Variants in THAP4 observed in about 807,000 individuals in gnomAD.
THAP4 encodes peroxynitrite isomerase THAP4.
In THAP4, 18 loss-of-function variants were observed where a neutral mutation model predicts 48.1. The ratio of observed to expected loss-of-function variants is 0.37; its 90% CI spans 0.26 to 0.56. THAP4 has a LOEUF of 0.56. THAP4 is among the 20% of genes least tolerant of loss of function. THAP4 has a pLI of 0.78. For synonymous variants in THAP4, 345 were observed against 324.9 expected (o/e 1.06, Z -0.66); for missense variants, 656 against 774.9 (o/e 0.85, Z 1.82).
chr2:241,604,292 C>T (rs529516401), intron 3 of THAP4, among the ~76,000 whole-genome samples: 27 of 151,588 alleles, frequency 1.8e-4, no homozygotes, highest in Admixed American at 3.9e-4. Flanking sequence ...CTCTTGTTGC[C>T]CAGGCTGGAG....
chr2:241,620,804 T>C (rs1559231191), intron 2 of THAP4, among the ~76,000 whole-genome samples: 1 of 152,090 alleles, frequency 6.6e-6, no homozygotes, highest in Non-Finnish European at 1.5e-5. Context: ...ATGGCTACAA[T>C]GTCACTAGGT....
chr2:241,608,513 G>A (rs1331232786), intron 2 of THAP4, among the ~76,000 whole-genome samples: 2 of 152,220 alleles, frequency 1.3e-5, no homozygotes, highest in East Asian at 3.8e-4. Context: ...GACAATAAGA[G>A]AATTTTTAAA....
At position 241,637,040 on chromosome 2, in the gene THAP4, C is replaced by A; in HGVS notation, c.-23G>T. The A allele has an allele frequency of 8.1e-7, 1 of 1,233,402 alleles. No homozygotes were observed. The highest frequency in any genetic ancestry group is 5.8e-5 in the East Asian group (1 of 17,262). The allele number at this position is 1,233,402 out of a possible 1,614,324, so 76.4% of individuals were successfully genotyped here. A position where few individuals can be genotyped will look rare whatever the true frequency, so the allele number is the denominator to read the frequency against. On this transcript the variant is annotated 5_prime_UTR_variant, in exon 1 of 6. Coordinates refer to ENST00000407315, the MANE Select transcript of THAP4 (RefSeq NM_015963.6). ...CATCGCGGGCCTTGGCCCAGCCGCGCAGCCAGGCCCCGGCCCTAGCCGCCC... is the reference window on the plus strand; with the variant it reads ...CATCGCGGGCCTTGGCCCAGCCGCGAAGCCAGGCCCCGGCCCTAGCCGCCC...
intron 3 of THAP4, among the ~76,000 whole-genome samples, chr2:241,604,035 A>G (rs2067150038): frequency 6.6e-6 from 1 of 151,586 alleles, no homozygotes; most frequent in Non-Finnish European, 1.5e-5. Flanking sequence ...CTCATTTATC[A>G]TTTCACCAAC....
At chr2:241,611,120 T>G (rs34692098) in intron 2 of THAP4, among the ~76,000 whole-genome samples, 22,311 of 152,044 alleles carry the variant, frequency 0.15, 1,892 homozygotes, top group South Asian at 0.38. Flanking sequence ...TGAGAAGTGG[T>G]GGGTCAGTGC....
At chr2:241,604,826 G>A (rs1422700240) in intron 3 of THAP4, among the ~76,000 whole-genome samples, 1 of 152,188 alleles carries the variant, frequency 6.6e-6, no homozygotes, top group African/African-American at 2.4e-5. Flanking sequence ...CCAAAGTGCT[G>A]GGATTACAGG....
At chr2:241,586,337 T>G (rs2066896631) in intron 5 of THAP4, among the ~76,000 whole-genome samples, 2 of 148,346 alleles carry the variant, frequency 1.3e-5, no homozygotes, top group Non-Finnish European at 3.0e-5. Context: ...GGAGTAAGAG[T>G]TAACCAGAAA....
chr2:241,591,406 A>G (rs191313291), intron 5 of THAP4, among the ~76,000 whole-genome samples: 7 of 152,330 alleles, frequency 4.6e-5, no homozygotes, highest in Non-Finnish European at 1.0e-4. Context: ...TGCTTGTCCA[A>G]ATGTATCAAA....
chr2:241,605,976 G>T (rs2067178378), intron 3 of THAP4, among the ~76,000 whole-genome samples: 1 of 152,142 alleles, frequency 6.6e-6, no homozygotes, highest in Admixed American at 6.5e-5. Flanking sequence ...AGCCTCTAAA[G>T]TGCTGGGATT....
At chr2:241,630,629 A>G (rs555736115) in intron 2 of THAP4, among the ~76,000 whole-genome samples, 1 of 152,206 alleles carries the variant, frequency 6.6e-6, no homozygotes, top group South Asian at 2.1e-4. Flanking sequence ...AAAATACAAA[A>G]TTAGCTGGGT....
chr2:241,629,964 G>C (rs1294698534), intron 2 of THAP4, among the ~76,000 whole-genome samples: 1 of 152,150 alleles, frequency 6.6e-6, no homozygotes, highest in Admixed American at 6.5e-5. Flanking sequence ...AAGGAGTGGT[G>C]AGGATACATT....
At chr2:241,628,706 C>T (rs1261942309) in intron 2 of THAP4, among the ~76,000 whole-genome samples, 1 of 149,190 alleles carries the variant, frequency 6.7e-6, no homozygotes, top group Admixed American at 6.6e-5. Context: ...CGGTGGCTTA[C>T]CTGGCCAACA....
At chr2:241,585,930 G>GAAAAAAAAAAAAAAAAA (rs1247935159) in intron 5 of THAP4, among the ~76,000 whole-genome samples, 1 of 108,992 alleles carries the variant, frequency 9.2e-6, no homozygotes, top group African/African-American at 3.7e-5. Context: ...AAAAAAAAAA[G>GAAAAAAAAAAAAAAAAA]AAAAAAAAAA....
rs2067250764 is a variant in THAP4, at chr2:241,610,299, C to T, written c.1241-3826G>A. Among the ~76,000 whole-genome samples the T allele has an allele frequency of 1.3e-5, 2 of 152,200 alleles. No individual in the cohort carries two copies. The highest frequency in any genetic ancestry group is 6.5e-5 in the Admixed American group (1 of 15,276). On this transcript the variant is annotated intron_variant, in intron 2 of 5. Transcript: ENST00000407315. This position sits in a 1 kb window ranked among gnomAD's most constrained non-coding sequence, Gnocchi z 4.2. ...GCCCCGCCCCGGAAGCGCAGCCCCG[C>T]CTCAGGCGCCGCATCTCCGCCCTCT...
chr2:241,602,227 C>A (rs2067123536), intron 4 of THAP4: 2 of 568,490 alleles, frequency 3.5e-6, no homozygotes, highest in East Asian at 5.7e-5. Context: ...CCTCTCCAGA[C>A]TGGGCCCCAG....
rs1014402011 is a variant in THAP4 at position 241,610,307 on chromosome 2, G to C, written c.1241-3834C>G. On this transcript the variant is annotated intron_variant, in intron 2 of 5. Coordinates refer to ENST00000407315, the MANE Select transcript of THAP4 (RefSeq NM_015963.6). This position sits in a 1 kb window ranked among gnomAD's most constrained non-coding sequence, Gnocchi z 4.2. ...CCGGAAGCGCAGCCCCGCCTCAGGCGCCGCATCTCCGCCCTCTCTTGCGCC... is the reference window on the plus strand; with the variant it reads ...CCGGAAGCGCAGCCCCGCCTCAGGCCCCGCATCTCCGCCCTCTCTTGCGCC... Among the ~76,000 whole-genome samples the C allele has an allele frequency of 6.6e-6, 1 of 152,094 alleles. No homozygotes were observed. Among genetic ancestry groups the C allele is most frequent in the Non-Finnish European group, 1.5e-5 (1 of 68,012 alleles).
At chr2:241,635,043 TA>T (rs1324617043) in intron 1 of THAP4, among the ~76,000 whole-genome samples, 1 of 152,168 alleles carries the variant, frequency 6.6e-6, no homozygotes. Context: ...CTTTACAAAA[TA>T]AAAATAATTC....
Position 241,633,714 on chromosome 2 carries a change from G to A in THAP4, c.443C>T (p.Ala148Val), listed in dbSNP as rs2125100708. ...CCTGGGTGTGGCTTCACCTTGCAGA[G>A]CAGCTTGCTTCAACCTGCGGGACTC... is the stretch of plus-strand genomic sequence containing the variant. Reference protein sequence around the residue: ...KPESRRLKQAALQGEATPRAA... With the variant: ...KPESRRLKQAVLQGEATPRAA... The change falls in exon 2 of 6, where the codon GCT becomes GTT. Residue 148 changes from alanine to valine, a missense_variant. Ala to Val is a moderately conservative substitution (Grantham distance 64). Coordinates refer to ENST00000407315, the MANE Select transcript of THAP4 (RefSeq NM_015963.6). The surrounding 1 kb of genome is among the most constrained non-coding windows in gnomAD (Gnocchi z 7.5). 1 of 1,611,944 alleles carries A rather than the reference G, an allele frequency of 6.2e-7. No homozygotes were observed. The highest frequency in any genetic ancestry group is 1.7e-5 in the Admixed American group (1 of 59,962).
chr2:241,615,158 G>A (rs2067323518), intron 2 of THAP4, among the ~76,000 whole-genome samples: 2 of 152,270 alleles, frequency 1.3e-5, no homozygotes, highest in East Asian at 1.9e-4. Context: ...TTCGAGACCA[G>A]GCAGAAAGGA....
Sources: allele counts gnomAD v4.1 joint callset (sites outside exome capture counted in the v4.1 genomes callset), GRCh38; gene constraint gnomAD v4.1.1; non-coding constraint Gnocchi (gnomAD v3.1); transcripts MANE v1.5; gene names NCBI Gene and HGNC (gene_info 2026-07-23, HGNC 2026-07-21).